SYNRG: variants seen among roughly 807,000 people sequenced by gnomAD.
SYNRG encodes AP1 gamma subunit binding protein 1.
Under a neutral mutation model 130.9 loss-of-function variants are expected in SYNRG, and 37 were observed. The observed-to-expected ratio is 0.28, with a 90% CI of 0.22 to 0.37. SYNRG has a LOEUF of 0.37. Among genes scored for constraint, SYNRG ranks in the 10% least tolerant of loss-of-function variants. SYNRG has a pLI of 1.00. For synonymous variants in SYNRG, 539 were observed against 568.1 expected, an observed-to-expected ratio of 0.95 and a Z score of 0.73; for missense variants, 1,338 against 1,588.9, an observed-to-expected ratio of 0.84 and a Z score of 2.68.
chr17:37,588,465 G>A (rs1408551477), intron 3 of SYNRG, among the ~76,000 whole-genome samples: 1 of 151,940 alleles, frequency 6.6e-6, no homozygotes, highest in Non-Finnish European at 1.5e-5. Flanking sequence ...GTTTCACCAG[G>A]TTGGCTAGGC....
intron 1 of SYNRG, 179 bp from the exon 2 acceptor site, chr17:37,600,582 TACTGCA>T (rs1322576889): frequency 6.9e-6 from 5 of 722,128 alleles, no homozygotes; most frequent in South Asian, 6.2e-5. Context: ...GTCAGCATGC[TACTGCA>T]GACGGAAACT....
chr17:37,571,786 T>C lies in SYNRG; in HGVS notation c.1098+5A>G. 1 of 1,597,630 alleles carries C rather than the reference T, an allele frequency of 6.3e-7. No individual in the cohort carries two copies. Among genetic ancestry groups the C allele is most frequent in the African/African-American group, 1.3e-5 (1 of 74,210 alleles). ...ATTTGATCTAACTTAAGAAACATTGTTTACCTGTGTTACCGCTATCATGGC... is the reference window on the plus strand; with the variant it reads ...ATTTGATCTAACTTAAGAAACATTGCTTACCTGTGTTACCGCTATCATGGC... On this transcript the variant is annotated splice_donor_5th_base_variant and intron_variant, in intron 9 of 21. Coordinates refer to ENST00000612223, the MANE Select transcript of SYNRG (RefSeq NM_007247.6).
intron 2 of SYNRG, among the ~76,000 whole-genome samples, chr17:37,598,944 G>A (rs1164452473): frequency 6.6e-6 from 1 of 152,192 alleles, no homozygotes; most frequent in Non-Finnish European, 1.5e-5. Flanking sequence ...ATTACAGATA[G>A]CTTAAATAAT....
At chr17:37,599,545 A>C (rs2063082904) in intron 2 of SYNRG, among the ~76,000 whole-genome samples, 1 of 152,078 alleles carries the variant, frequency 6.6e-6, no homozygotes, top group Non-Finnish European at 1.5e-5. Context: ...ACATAGGGAG[A>C]CCCTGTCTCT....
rs1017346262 is a variant in SYNRG at position 37,553,545 on chromosome 17, G to C, written c.2178C>G (p.Ser726Arg). The C allele has an allele frequency of 1.2e-6, 2 of 1,614,062 alleles. No individual in the cohort carries two copies. Among genetic ancestry groups the C allele is most frequent in the African/African-American group, 2.7e-5 (2 of 74,910 alleles). ...CACCCTTCACTGTGCTGCCCACGTTGCTGGTTAGAGGAACAGGACTGGCTT... is the reference window on the plus strand; with the variant it reads ...CACCCTTCACTGTGCTGCCCACGTTCCTGGTTAGAGGAACAGGACTGGCTT... ...KEEASPVPLT[S>R]NVGSTVKGGQ... The change falls in exon 14 of 22, where the codon AGC becomes AGG. Residue 726 changes from serine (S) to arginine (R), a missense_variant. Ser to Arg is a moderately radical substitution (Grantham distance 110, BLOSUM62 -1). Transcript: ENST00000612223.
chr17:37,597,104 G>A (rs1555793936), intron 2 of SYNRG, among the ~76,000 whole-genome samples: 1 of 152,122 alleles, frequency 6.6e-6, no homozygotes, highest in Admixed American at 6.5e-5. Context: ...ACTTGCTCTG[G>A]AGCAAGCCAC....
At chr17:37,586,843 T>C (rs2061730172) in intron 3 of SYNRG, among the ~76,000 whole-genome samples, 1 of 152,206 alleles carries the variant, frequency 6.6e-6, no homozygotes, top group African/African-American at 2.4e-5. Context: ...TATGGAACTA[T>C]ATGCCCACAA....
chr17:37,525,944 C>G (rs2055847132), intron 19 of SYNRG, among the ~76,000 whole-genome samples: 1 of 152,196 alleles, frequency 6.6e-6, no homozygotes, highest in African/African-American at 2.4e-5. Flanking sequence ...CCAGCCTGGG[C>G]AACAGAGCGA....
intron 13 of SYNRG, among the ~76,000 whole-genome samples, chr17:37,557,633 T>G (rs550944385): frequency 1.3e-5 from 2 of 152,244 alleles, no homozygotes; most frequent in Non-Finnish European, 1.5e-5. Context: ...AATCCCAGCA[T>G]TTTGGGAGGC....
Position 37,539,582 on chromosome 17 carries a change from G to T in SYNRG, c.3367-337C>A, listed in dbSNP as rs566245807. Reference sequence around the variant, plus strand: ...GGTGGGGTTTCACCATGTTGCTCAGGCTTGTCTTGAACTCCTGAGCTCGAG... The same window carrying T: ...GGTGGGGTTTCACCATGTTGCTCAGTCTTGTCTTGAACTCCTGAGCTCGAG... On this transcript the variant is annotated intron_variant, in intron 16 of 21. Transcript: ENST00000612223. 1.3e-3 allele frequency among the ~76,000 whole-genome samples: 203 copies of T among 152,220 alleles called. 1 individual carries two copies. The highest frequency in any genetic ancestry group is 4.6e-3 in the African/African-American group (192 of 41,530).
chr17:37,520,251 C>T, intron 20 of SYNRG, 37 bp from the exon 21 acceptor site: 1 of 1,613,816 alleles, frequency 6.2e-7, no homozygotes. Context: ...AACAACATTC[C>T]CAGAACAGGG....
intron 19 of SYNRG, among the ~76,000 whole-genome samples, chr17:37,526,777 T>C (rs1305885677): frequency 6.6e-6 from 1 of 152,178 alleles, no homozygotes; most frequent in Non-Finnish European, 1.5e-5. Context: ...CTTCCCCTTC[T>C]AAGGATCCAT....
chr17:37,551,063 T>C (rs985459110), intron 14 of SYNRG, among the ~76,000 whole-genome samples: 12 of 152,200 alleles, frequency 7.9e-5, no homozygotes, highest in Admixed American at 2.0e-4. Flanking sequence ...CCTTCAGAGT[T>C]AAGTTAGGGC....
intron 11 of SYNRG, 122 bp from the exon 12 acceptor site, chr17:37,561,711 G>T: frequency 1.5e-6 from 1 of 649,768 alleles, no homozygotes; most frequent in Non-Finnish European, 2.7e-6. Context: ...TGCTTTAAAA[G>T]TTAGAAAACT....
In SYNRG at chr17:37,521,389, G is replaced by A. The variant is rs145174166; in HGVS notation, c.3667-741C>T. The stretch of plus-strand genomic sequence containing the variant: ...GTAGATGGGAGCTGCTAGGTGAGGG[G>A]GACAGGAGGGTTGGGTGAGGTAGGG... On this transcript the variant is annotated intron_variant, in intron 19 of 21. Coordinates refer to ENST00000612223, the MANE Select transcript of SYNRG (RefSeq NM_007247.6). 3.1e-3 allele frequency among the ~76,000 whole-genome samples: 474 copies of A among 151,208 alleles called. 4 individuals are homozygous for A. The highest frequency in any genetic ancestry group is 0.011 in the African/African-American group (440 of 41,190).
Position 37,581,578 on chromosome 17 carries a change from T to G in SYNRG, c.589+3070A>C, listed in dbSNP as rs2061342404. The stretch of plus-strand genomic sequence containing the variant: ...TAGGCGTGAGCCACCACGCCTTACC[T>G]TGTTTTGTTTTTGTTTTTGTTTTTT... On this transcript the variant is annotated intron_variant, in intron 6 of 21. Coordinates refer to ENST00000612223, the MANE Select transcript of SYNRG (RefSeq NM_007247.6). Among the ~76,000 whole-genome samples the G allele has an allele frequency of 2.6e-5, 4 of 151,716 alleles. No homozygotes were observed. The South Asian group carries it at 8.3e-4, about 32-fold the overall frequency.
At chr17:37,564,826 A>G (rs1438309713) in intron 11 of SYNRG, among the ~76,000 whole-genome samples, 1 of 152,254 alleles carries the variant, frequency 6.6e-6, no homozygotes, top group East Asian at 1.9e-4. Context: ...ACCAGATAAA[A>G]CTAAGTGTCT....
At chr17:37,575,228 T>C (rs1268856127) in intron 8 of SYNRG, among the ~76,000 whole-genome samples, 1 of 152,116 alleles carries the variant, frequency 6.6e-6, no homozygotes, top group Non-Finnish European at 1.5e-5. Flanking sequence ...GAATAAGATC[T>C]AGTATTTGAT....
chr17:37,551,972 T>A (rs1447125198), intron 14 of SYNRG, among the ~76,000 whole-genome samples: 1 of 152,010 alleles, frequency 6.6e-6, no homozygotes, highest in African/African-American at 2.4e-5. Context: ...AGTAGCAACA[T>A]GAAACATGCA....
Sources: allele counts gnomAD v4.1 joint callset (sites outside exome capture counted in the v4.1 genomes callset), GRCh38; gene constraint gnomAD v4.1.1; transcripts MANE v1.5; gene names NCBI Gene and HGNC (gene_info 2026-07-23, HGNC 2026-07-21).